Variants in ABCD2 observed in about 807,000 individuals in gnomAD.
ABCD2 encodes the protein ATP binding cassette subfamily D member 2.
A neutral mutation model predicts 70.9 loss-of-function variants in ABCD2; 36 were observed. The observed-to-expected ratio is 0.51, with a 90% confidence interval of 0.39 to 0.67. The LOEUF (loss-of-function observed/expected upper bound fraction) is 0.67, where lower values mean the gene tolerates loss of function less well. Among genes scored for constraint, ABCD2 ranks in the 30% least tolerant of loss-of-function variants. The pLI, the probability that ABCD2 is intolerant of heterozygous loss-of-function variation, is 0.00. For synonymous variants in ABCD2, 304 were observed against 306.9 expected (o/e 0.99, Z 0.10); for missense variants, 729 against 890.2 (o/e 0.82, Z 2.30).
rs1431748649 is a variant in ABCD2, at chr12:39,550,631, A to AGAAG, written c.*3280_*3281insCTTC. The AGAAG allele has an allele frequency of 7.2e-5, 11 of 151,918 alleles. No homozygotes were observed. The highest frequency in any genetic ancestry group is 2.2e-4 in the African/African-American group (9 of 41,562). The allele number at this position is 151,918 out of a possible 1,614,324, so 9.4% of individuals were successfully genotyped here. On this transcript the variant is annotated 3_prime_UTR_variant, in exon 10 of 10. Transcript: ENST00000308666. ...TGAAGGCGCTCATGTGGCAAAACATATTCAACCCCAAAACATATTCAACAT... is the reference window on the plus strand; with the variant it reads ...TGAAGGCGCTCATGTGGCAAAACATAGAAGTTCAACCCCAAAACATATTCAACAT...
intron 3 of ABCD2, among the ~76,000 whole-genome samples, chr12:39,605,843 G>A (rs916592346): frequency 6.6e-6 from 1 of 152,112 alleles, no homozygotes; most frequent in African/African-American, 2.4e-5. Flanking sequence ...ATACAACAAT[G>A]CTGACATTTG....
At chr12:39,563,818 T>C (rs376824183) in intron 9 of ABCD2, among the ~76,000 whole-genome samples, 2 of 152,132 alleles carry the variant, frequency 1.3e-5, no homozygotes, top group East Asian at 3.9e-4. Flanking sequence ...GATATTCCCC[T>C]TCCTGTGTCT....
At chr12:39,540,999 T>C in the ABCD2 span, among the ~76,000 whole-genome samples, 1 of 151,580 alleles carries the variant, frequency 6.6e-6, no homozygotes, top group Non-Finnish European at 1.5e-5. Flanking sequence ...TTCAAATATT[T>C]TACAGAGTTT....
the ABCD2 span, among the ~76,000 whole-genome samples, chr12:39,531,946 A>G: frequency 6.6e-6 from 1 of 152,250 alleles, no homozygotes; most frequent in Non-Finnish European, 1.5e-5. Flanking sequence ...TAAAGCTTTG[A>G]CTGCCACAGT....
chr12:39,544,865 C>T, the ABCD2 span, among the ~76,000 whole-genome samples: 1 of 152,140 alleles, frequency 6.6e-6, no homozygotes, highest in African/African-American at 2.4e-5. Context: ...GTACTCTTAT[C>T]TACAGTTTTA....
At chr12:39,573,504 TTTAAGAA>T (rs1378073414) in intron 9 of ABCD2, among the ~76,000 whole-genome samples, 1 of 152,178 alleles carries the variant, frequency 6.6e-6, no homozygotes, top group Non-Finnish European at 1.5e-5. Context: ...TTCCATGTCT[TTTAAGAA>T]TTACTGGAAA....
At chr12:39,602,326 T>C (rs1004587857) in intron 5 of ABCD2, among the ~76,000 whole-genome samples, 3 of 151,816 alleles carry the variant, frequency 2.0e-5, no homozygotes, top group African/African-American at 7.3e-5. Context: ...CTAATTTTTG[T>C]ATTTTTTAGT....
intron 4 of ABCD2, among the ~76,000 whole-genome samples, chr12:39,604,451 C>T (rs925666281): frequency 2.0e-5 from 3 of 151,980 alleles, no homozygotes; most frequent in Non-Finnish European, 4.4e-5. Flanking sequence ...TGAAGAACAA[C>T]ATGACATTAG....
intron 3 of ABCD2, 145 bp from the exon 4 acceptor site, chr12:39,605,075 A>G: frequency 3.9e-6 from 2 of 513,508 alleles, no homozygotes; most frequent in Non-Finnish European, 3.2e-6. Flanking sequence ...TCTGAAAACT[A>G]AAACACATGA....
In ABCD2 at chr12:39,594,403, C is replaced by CA. The variant is rs774495165; in HGVS notation, c.1646+6167dup. On this transcript the variant is annotated intron_variant, in intron 6 of 9. Coordinates refer to ENST00000308666, the MANE Select transcript of ABCD2 (RefSeq NM_005164.4). ...TAATTGTTTGACATATTGTTAATTA[C>CA]AAAAAATAACAATACCCTAGAGATG... Among the ~76,000 whole-genome samples the CA allele has an allele frequency of 8.5e-5, 13 of 152,052 alleles. 1 individual carries two copies. The highest frequency in any genetic ancestry group is 1.5e-4 in the Non-Finnish European group (10 of 67,998).
chr12:39,540,786 C>T, the ABCD2 span, among the ~76,000 whole-genome samples: 3 of 152,202 alleles, frequency 2.0e-5, no homozygotes, highest in East Asian at 3.8e-4. Context: ...CCTAAACACC[C>T]TCCCTTCCCC....
chr12:39,587,806 C>A (rs1047289042), intron 6 of ABCD2, among the ~76,000 whole-genome samples: 9 of 152,012 alleles, frequency 5.9e-5, no homozygotes, highest in Admixed American at 3.3e-4. Context: ...CAAATAGAAA[C>A]AATTTAACTG....
intron 1 of ABCD2, among the ~76,000 whole-genome samples, chr12:39,618,235 C>G (rs184678682): frequency 6.2e-4 from 95 of 152,210 alleles, no homozygotes; most frequent in African/African-American, 2.1e-3. Flanking sequence ...CTCTTCCCCC[C>G]TCTTGGACAA....
intron 5 of ABCD2, among the ~76,000 whole-genome samples, chr12:39,601,804 A>G (rs1184863870): frequency 6.6e-6 from 1 of 152,190 alleles, no homozygotes; most frequent in Non-Finnish European, 1.5e-5. Flanking sequence ...TCTCAGGAAG[A>G]AGCTAGAAAA....
rs71075064 is a variant in ABCD2, at chr12:39,613,385, C to CAAAA, written c.1120+3599_1120+3602dup. 5.2e-3 allele frequency among the ~76,000 whole-genome samples: 123 copies of CAAAA among 23,628 alleles called. 1 individual carries two copies. The highest frequency in any genetic ancestry group is 8.6e-3 in the East Asian group (5 of 580). 15.5% of individuals were successfully genotyped at this position (23,628 alleles called of 152,430 possible). Reference sequence around the variant, plus strand: ...TGGGCGACAGAGCGAGACTCCGTCTCAAAAAAAAAAAAAAAAAAAAAAAAA... The same window carrying CAAAA: ...TGGGCGACAGAGCGAGACTCCGTCTCAAAAAAAAAAAAAAAAAAAAAAAAAAAAA... On this transcript the variant is annotated intron_variant, in intron 2 of 9. Coordinates refer to ENST00000308666, the MANE Select transcript of ABCD2 (RefSeq NM_005164.4).
At chr12:39,610,330 G>A (rs1942028569) in intron 2 of ABCD2, among the ~76,000 whole-genome samples, 1 of 152,084 alleles carries the variant, frequency 6.6e-6, no homozygotes, top group Non-Finnish European at 1.5e-5. Flanking sequence ...TAGTCCCCTT[G>A]AAGTTAATTA....
chr12:39,584,602 T>C (rs116159746), intron 7 of ABCD2, among the ~76,000 whole-genome samples: 1,667 of 152,320 alleles, frequency 0.011, 37 homozygotes, highest in African/African-American at 0.036. Context: ...TGTTTCCATG[T>C]CCAGGATAGT....
Position 39,604,751 on chromosome 12 carries a change from G to A in ABCD2, c.1405+11C>T. On this transcript the variant is annotated intron_variant, in intron 4 of 9. Transcript: ENST00000308666. ...AATATAGGAAAATATAAAAGCACTT[G>A]AGTTTAATACCTTTAATTGCCAATG... 3.2e-6 allele frequency: 5 copies of A among 1,552,586 alleles called. No individual in the cohort carries two copies. Among genetic ancestry groups the A allele is most frequent in the Non-Finnish European group, 4.3e-6 (5 of 1,154,844 alleles).
At chr12:39,534,869 AAG>A in the ABCD2 span, among the ~76,000 whole-genome samples, 24 of 143,964 alleles carry the variant, frequency 1.7e-4, no homozygotes, top group African/African-American at 6.1e-4. Flanking sequence ...AAAGAAAGAA[AAG>A]GAAGGAAGGA....
Sources: gnomAD v4.1 joint callset for allele counts (sites outside exome capture counted in the v4.1 genomes callset) on GRCh38, gnomAD v4.1.1 for gene constraint, MANE v1.5 for transcripts, NCBI Gene and HGNC (gene_info 2026-07-23, HGNC 2026-07-21) for gene names.